LCLAT1: variants seen among roughly 807,000 people sequenced by gnomAD.
LCLAT1 encodes lysocardiolipin acyltransferase 1, also known as 1-AGP acyltransferase 8.
A neutral mutation model predicts 30.7 loss-of-function variants in LCLAT1; 11 were observed. The ratio of observed to expected loss-of-function variants is 0.36; its 90% CI spans 0.23 to 0.59. The LOEUF is 0.59. Among genes scored for constraint, LCLAT1 ranks in the 20% least tolerant of loss-of-function variants. The pLI is 0.77. For missense variants in LCLAT1, 402 were observed against 458.6 expected, an observed-to-expected ratio of 0.88 and a Z score of 1.13; for synonymous variants, 155 against 151.3, an observed-to-expected ratio of 1.02 and a Z score of -0.18.
intron 5 of LCLAT1, among the ~76,000 whole-genome samples, chr2:30,619,014 A>G (rs1398200282): frequency 6.6e-6 from 1 of 152,196 alleles, no homozygotes; most frequent in African/African-American, 2.4e-5. Flanking sequence ...TAGTAGAGCT[A>G]TATGGCTTCT....
At chr2:30,593,334 T>C (rs567976119) in intron 5 of LCLAT1, among the ~76,000 whole-genome samples, 1 of 152,360 alleles carries the variant, frequency 6.6e-6, no homozygotes, top group African/African-American at 2.4e-5. Context: ...TCTAAGTCCG[T>C]ATCTTGGCTG....
At chr2:30,475,992 C>T (rs562421746) in intron 1 of LCLAT1, among the ~76,000 whole-genome samples, 57 of 152,242 alleles carry the variant, frequency 3.7e-4, no homozygotes, top group African/African-American at 1.4e-3. Flanking sequence ...ATGGTTCTAG[C>T]TTCCATATAA....
chr2:30,519,535 A>G (rs1015916621), intron 1 of LCLAT1, among the ~76,000 whole-genome samples: 2 of 152,166 alleles, frequency 1.3e-5, no homozygotes, highest in East Asian at 3.9e-4. Context: ...TCCTAGGCCG[A>G]CTAAGAATTC....
chr2:30,578,680 C>G (rs1055380768), intron 5 of LCLAT1, among the ~76,000 whole-genome samples: 3 of 152,070 alleles, frequency 2.0e-5, no homozygotes, highest in African/African-American at 7.2e-5. Context: ...GCGGACTGAT[C>G]TTAGATGTCA....
At chr2:30,467,304 G>T (rs1682497347) in intron 1 of LCLAT1, among the ~76,000 whole-genome samples, 1 of 152,184 alleles carries the variant, frequency 6.6e-6, no homozygotes, top group African/African-American at 2.4e-5. Flanking sequence ...ATTCCATGGT[G>T]TATATGTGCC....
chr2:30,519,496 G>A (rs1342975999), intron 1 of LCLAT1, among the ~76,000 whole-genome samples: 16 of 152,136 alleles, frequency 1.1e-4, no homozygotes, highest in Non-Finnish European at 1.8e-4. Context: ...TGTTGAGAGG[G>A]GGGACTGAGA....
chr2:30,560,283 G>GTT lies in LCLAT1; in HGVS notation c.365-1863_365-1862insTT, dbSNP rs111737873. On this transcript the variant is annotated intron_variant, in intron 3 of 5. Coordinates refer to ENST00000379509, the MANE Select transcript of LCLAT1 (RefSeq NM_001002257.3). Reference sequence around the variant, plus strand: ...GACTTACCCAGGCCAAATAAAGTGTGGTGTGTGTGTGTGTGTGTGTGTGTG... The same window carrying GTT: ...GACTTACCCAGGCCAAATAAAGTGTGTTGTGTGTGTGTGTGTGTGTGTGTGTG... Among the ~76,000 whole-genome samples the GTT allele has an allele frequency of 2.8e-5, 4 of 144,474 alleles. No individual in the cohort carries two copies. The Admixed American group carries it at 2.8e-4, about 10-fold the overall frequency. The allele number at this position is 144,474 out of a possible 152,430, so 94.8% of individuals were successfully genotyped here.
chr2:30,640,366 G>A lies in LCLAT1; in HGVS notation c.878G>A (p.Ser293Asn), dbSNP rs202201453. The A allele has an allele frequency of 1.9e-6, 3 of 1,614,070 alleles. No homozygotes were observed. The highest frequency in any genetic ancestry group is 1.6e-4 in the Middle Eastern group (1 of 6,084). ...AAGAATTTTTATTTTACCGGACAGA[G>A]TGTCATTCCACCTTGCAAGTCTGAA... ...GEKNFYFTGQ[S>N]VIPPCKSELR... Residue 293 changes from serine to asparagine, a missense_variant, in exon 6 of 6, where the codon AGT becomes AAT. Coordinates refer to ENST00000379509, the MANE Select transcript of LCLAT1 (RefSeq NM_001002257.3).
chr2:30,508,542 G>A (rs980084846), intron 1 of LCLAT1, among the ~76,000 whole-genome samples: 7 of 152,116 alleles, frequency 4.6e-5, no homozygotes, highest in Non-Finnish European at 1.0e-4. Context: ...TGTCAGCTTT[G>A]TTGAAGATCA....
At chr2:30,513,257 T>C (rs960316854) in intron 1 of LCLAT1, among the ~76,000 whole-genome samples, 1 of 151,874 alleles carries the variant, frequency 6.6e-6, no homozygotes, top group African/African-American at 2.4e-5. Context: ...TGTGTAGTTA[T>C]ATATAAATAT....
At chr2:30,526,015 G>T (rs1001862134) in intron 2 of LCLAT1, among the ~76,000 whole-genome samples, 2 of 152,160 alleles carry the variant, frequency 1.3e-5, no homozygotes, top group African/African-American at 4.8e-5. Context: ...CTCAGTACAG[G>T]CTTAGCCATC....
intron 3 of LCLAT1, among the ~76,000 whole-genome samples, chr2:30,541,075 G>A (rs62139625): frequency 0.15 from 22,332 of 152,132 alleles, 2,234 homozygotes; most frequent in Non-Finnish European, 0.22. Flanking sequence ...TTTGTCTGGG[G>A]TGAGTTGCTA....
chr2:30,612,541 G>T (rs775734044), intron 5 of LCLAT1, among the ~76,000 whole-genome samples: 1 of 152,126 alleles, frequency 6.6e-6, no homozygotes, highest in Non-Finnish European at 1.5e-5. Flanking sequence ...ATCTCAGCTT[G>T]CCTGACAACT....
intron 1 of LCLAT1, among the ~76,000 whole-genome samples, chr2:30,454,659 G>A (rs1369809813): frequency 6.6e-6 from 1 of 151,596 alleles, no homozygotes; most frequent in Non-Finnish European, 1.5e-5. Context: ...GTGTTGCCTG[G>A]GCTGGTCCCG....
At chr2:30,513,623 G>T (rs1685040317) in intron 1 of LCLAT1, among the ~76,000 whole-genome samples, 1 of 151,990 alleles carries the variant, frequency 6.6e-6, no homozygotes, top group South Asian at 2.1e-4. Flanking sequence ...AATATCTTGG[G>T]CCCCCCAAAT....
intron 1 of LCLAT1, among the ~76,000 whole-genome samples, chr2:30,450,390 A>G (rs1681485444): frequency 6.6e-6 from 1 of 151,398 alleles, no homozygotes; most frequent in Admixed American, 6.6e-5. Flanking sequence ...GGTTAGAGCC[A>G]GGTTGTGAAC....
chr2:30,591,520 T>C (rs915613560), intron 5 of LCLAT1, among the ~76,000 whole-genome samples: 2 of 152,144 alleles, frequency 1.3e-5, no homozygotes, highest in African/African-American at 4.8e-5. Context: ...TTAAACAAAG[T>C]AGTATGTTTA....
At chr2:30,521,699 G>A (rs979640134) in intron 1 of LCLAT1, among the ~76,000 whole-genome samples, 2 of 151,488 alleles carry the variant, frequency 1.3e-5, no homozygotes, top group African/African-American at 4.9e-5. Context: ...TAGAGATGGG[G>A]TTTCCTCATG....
chr2:30,496,983 T>C (rs928875158), intron 1 of LCLAT1, among the ~76,000 whole-genome samples: 1 of 152,246 alleles, frequency 6.6e-6, no homozygotes, highest in African/African-American at 2.4e-5. Context: ...ATAGCCTTTA[T>C]TACAATGTCA....
Sources: allele counts gnomAD v4.1 joint callset (sites outside exome capture counted in the v4.1 genomes callset), GRCh38; gene constraint gnomAD v4.1.1; transcripts MANE v1.5; gene names NCBI Gene and HGNC (gene_info 2026-07-23, HGNC 2026-07-21).